The following PRKAR2A variants were observed in gnomAD, a reference collection of about 807,000 sequenced individuals.
PRKAR2A encodes the protein cAMP-dependent protein kinase type II-alpha regulatory subunit.
In PRKAR2A, 29 loss-of-function variants were observed where a neutral mutation model predicts 51.9. The observed-to-expected ratio is 0.56, with a 90% CI of 0.42 to 0.76. The LOEUF is 0.76. Ranked by LOEUF, PRKAR2A falls within the 30% of genes least tolerant of loss-of-function variation. The pLI, the probability that PRKAR2A is intolerant of heterozygous loss-of-function variation, is 0.00. For synonymous variants in PRKAR2A, 178 were observed against 186.2 expected (o/e 0.96, Z 0.36); for missense variants, 445 against 512.1 (o/e 0.87, Z 1.26).
intron 6 of PRKAR2A, among the ~76,000 whole-genome samples, chr3:48,771,835 T>C (rs1279887660): frequency 6.6e-6 from 1 of 152,216 alleles, no homozygotes; most frequent in Non-Finnish European, 1.5e-5. Flanking sequence ...CTGTGTGCAG[T>C]GTTCTATAAA....
At chr3:48,837,608 C>T (rs923550019) in intron 1 of PRKAR2A, among the ~76,000 whole-genome samples, 2 of 152,062 alleles carry the variant, frequency 1.3e-5, no homozygotes, top group Non-Finnish European at 2.9e-5. Flanking sequence ...GAAATGAAAA[C>T]AGCTCCACAC....
chr3:48,800,875 G>A (rs1348958909), intron 2 of PRKAR2A, among the ~76,000 whole-genome samples: 2 of 151,780 alleles, frequency 1.3e-5, no homozygotes, highest in South Asian at 2.1e-4. Flanking sequence ...GGGTTTCACC[G>A]TGTTAGCCAG....
intron 1 of PRKAR2A, among the ~76,000 whole-genome samples, chr3:48,827,284 A>G (rs1037471234): frequency 1.3e-5 from 2 of 152,034 alleles, no homozygotes; most frequent in Non-Finnish European, 2.9e-5. Flanking sequence ...AGCTCCAATA[A>G]TCTTCCCCAA....
In PRKAR2A at chr3:48,847,225, A is replaced by G. The variant is rs2083478955; in HGVS notation, c.262+110T>C. 7.2e-7 allele frequency: 1 copy of G among 1,384,542 alleles called. No homozygotes were observed. The highest frequency in any genetic ancestry group is 2.4e-5 in the Admixed American group (1 of 42,250). The allele number at this position is 1,384,542 out of a possible 1,614,324, so 85.8% of individuals were successfully genotyped here. A position where few individuals can be genotyped will look rare whatever the true frequency, so the allele number is the denominator to read the frequency against. ...TAGAAACGCGGCTACAGAGCTCCCA[A>G]TCCCAGCCTGCGGTCGGCTTGGCTG... On this transcript the variant is annotated intron_variant, in intron 1 of 10. Transcript: ENST00000265563. This position sits in a 1 kb window ranked among gnomAD's most constrained non-coding sequence, Gnocchi z 4.4.
intron 1 of PRKAR2A, among the ~76,000 whole-genome samples, chr3:48,830,353 AAAC>A (rs1298097573): frequency 1.3e-5 from 2 of 152,154 alleles, no homozygotes; most frequent in Admixed American, 1.3e-4. Flanking sequence ...TTAGGGGCAA[AAAC>A]ACACATGGAA....
chr3:48,776,888 AT>A (rs201104241), intron 5 of PRKAR2A, among the ~76,000 whole-genome samples: 3,819 of 152,236 alleles, frequency 0.025, 69 homozygotes, highest in Non-Finnish European at 0.039. Context: ...CTTAAAACAG[AT>A]TAAAAAAATT....
At chr3:48,791,592 C>CAAAAAAA (rs35978535) in intron 3 of PRKAR2A, among the ~76,000 whole-genome samples, 3 of 41,812 alleles carry the variant, frequency 7.2e-5, no homozygotes, top group African/African-American at 1.1e-4. Flanking sequence ...GATTCCGTCT[C>CAAAAAAA]AAAAAAAAAA....
At chr3:48,837,907 G>A (rs187569219) in intron 1 of PRKAR2A, among the ~76,000 whole-genome samples, 91 of 152,248 alleles carry the variant, frequency 6.0e-4, no homozygotes, top group Non-Finnish European at 9.9e-4. Flanking sequence ...GGCTGGGCAC[G>A]GTGGCTAACG....
At chr3:48,816,730 T>TC (rs1273051316) in intron 1 of PRKAR2A, among the ~76,000 whole-genome samples, 1 of 152,186 alleles carries the variant, frequency 6.6e-6, no homozygotes, top group Non-Finnish European at 1.5e-5. Flanking sequence ...CAGTATGGAA[T>TC]CAAAGCAATG....
chr3:48,749,917 C>T lies in PRKAR2A; in HGVS notation c.*1668G>A, dbSNP rs1420702040. ...TCTTTCTTTTTTTTTTTTTAAGAGA[C>T]AGGGTCTCACTGTGTCACCCAGACT... On this transcript the variant is annotated 3_prime_UTR_variant, in exon 11 of 11. Coordinates refer to ENST00000265563, the MANE Select transcript of PRKAR2A (RefSeq NM_004157.4). 4 of 148,408 alleles carry T rather than the reference C, an allele frequency of 2.7e-5. No individual in the cohort carries two copies. Among genetic ancestry groups the T allele is most frequent in the South Asian group, 2.1e-4 (1 of 4,684 alleles). The allele number at this position is 148,408 out of a possible 1,614,324, so 9.2% of individuals were successfully genotyped here.
At chr3:48,756,982 G>C (rs2081781265) in intron 8 of PRKAR2A, among the ~76,000 whole-genome samples, 1 of 152,182 alleles carries the variant, frequency 6.6e-6, no homozygotes, top group South Asian at 2.1e-4. Flanking sequence ...CTTTACAAAG[G>C]GGTGCCTGTG....
Position 48,845,458 on chromosome 3 carries a change from C to T in PRKAR2A, c.262+1877G>A, listed in dbSNP as rs2083446821. Among the ~76,000 whole-genome samples the T allele has an allele frequency of 2.0e-5, 3 of 152,194 alleles. No homozygotes were observed. In the South Asian group the frequency reaches 6.2e-4, roughly 31 times the overall value. ...ATACTGGGCCAGACCAGATACAACT[C>T]AGAACTAGTTTTGTGTGTGTGTGAT... On this transcript the variant is annotated intron_variant, in intron 1 of 10. Coordinates refer to ENST00000265563, the MANE Select transcript of PRKAR2A (RefSeq NM_004157.4).
intron 1 of PRKAR2A, among the ~76,000 whole-genome samples, chr3:48,829,291 G>C (rs1286457786): frequency 6.6e-6 from 1 of 151,396 alleles, no homozygotes; most frequent in African/African-American, 2.4e-5. Flanking sequence ...GGCCCAGGTG[G>C]GCAGATCACC....
At position 48,847,357 on chromosome 3, in the gene PRKAR2A, C is replaced by A. The variant is rs1305685989; in HGVS notation, c.240G>T (p.Ser80=). ...TACCTTCCAAGTCCTCGTCCTCCTC[C>A]GACTCGCTGTCCCCTTTGGCGTCGG... ...RVADAKGDSE[S]EEDEDLEVPV... is the part of the protein sequence containing the mutation. Residue 80 remains serine, a synonymous_variant, in exon 1 of 11, where the codon TCG becomes TCT. Coordinates refer to ENST00000265563, the MANE Select transcript of PRKAR2A (RefSeq NM_004157.4). The surrounding 1 kb of genome is among the most constrained non-coding windows in gnomAD (Gnocchi z 4.4). 1.9e-6 allele frequency: 3 copies of A among 1,613,474 alleles called. No individual in the cohort carries two copies. In the African/African-American group the frequency reaches 4.0e-5, roughly 22 times the overall value.
In PRKAR2A at chr3:48,800,526, CTA is replaced by C. The variant is rs995758082; in HGVS notation, c.299-6479_299-6478del. On this transcript the variant is annotated intron_variant, in intron 2 of 10. Coordinates refer to ENST00000265563, the MANE Select transcript of PRKAR2A (RefSeq NM_004157.4). Reference sequence around the variant, plus strand: ...GACTCCGTCTCAAAAAAAAAAAAAACTATATACACACACACACACACACACAC... The same window carrying C: ...GACTCCGTCTCAAAAAAAAAAAAAACTATACACACACACACACACACACAC... Among the ~76,000 whole-genome samples, 44 of 148,774 alleles carry C rather than the reference CTA, an allele frequency of 3.0e-4. 1 individual carries two copies. In the East Asian group the frequency reaches 8.1e-3, roughly 27 times the overall value.
At chr3:48,804,958 C>A (rs2082650617) in intron 2 of PRKAR2A, among the ~76,000 whole-genome samples, 1 of 152,022 alleles carries the variant, frequency 6.6e-6, no homozygotes, top group Non-Finnish European at 1.5e-5. Flanking sequence ...GTCACCCAGG[C>A]TGGAGTACAG....
intron 2 of PRKAR2A, among the ~76,000 whole-genome samples, chr3:48,803,813 G>A (rs938921115): frequency 3.3e-5 from 5 of 152,076 alleles, no homozygotes; most frequent in African/African-American, 7.2e-5. Context: ...TTCAAGACCC[G>A]CCTGGCCAAC....
At chr3:48,779,318 T>C (rs944247395) in intron 5 of PRKAR2A, among the ~76,000 whole-genome samples, 2 of 152,084 alleles carry the variant, frequency 1.3e-5, no homozygotes, top group East Asian at 1.9e-4. Context: ...ATGAAATAAA[T>C]CATTCCTTCT....
chr3:48,825,313 T>A (rs2083045251), intron 1 of PRKAR2A, among the ~76,000 whole-genome samples: 1 of 152,056 alleles, frequency 6.6e-6, no homozygotes, highest in Admixed American at 6.6e-5. Context: ...CCGGCCTGAT[T>A]TTCTTTTTCT....
Sources: gnomAD v4.1 joint callset for allele counts (sites outside exome capture counted in the v4.1 genomes callset) on GRCh38, gnomAD v4.1.1 for gene constraint, Gnocchi (gnomAD v3.1) non-coding constraint, MANE v1.5 for transcripts, NCBI Gene and HGNC (gene_info 2026-07-23, HGNC 2026-07-21) for gene names.